Variants in SLBP observed in about 807,000 individuals in gnomAD.
The protein encoded by SLBP is stem-loop histone mRNA binding protein.
SLBP carries 29 observed loss-of-function variants against 39.2 expected under a neutral mutation model. That is an observed-to-expected ratio of 0.74 (90% CI 0.55 to 1.01). The LOEUF (loss-of-function observed/expected upper bound fraction) is 1.01, where lower values mean the gene tolerates loss of function less well. Ranked by LOEUF, SLBP falls within the 50% of genes least tolerant of loss-of-function variation. The pLI, the probability that SLBP is intolerant of heterozygous loss-of-function variation, is 0.00. For missense variants in SLBP, 390 were observed against 350.2 expected, an observed-to-expected ratio of 1.11 and a Z score of -0.91; for synonymous variants, 129 against 118.7, an observed-to-expected ratio of 1.09 and a Z score of -0.57.
intron 5 of SLBP, among the ~76,000 whole-genome samples, chr4:1,698,102 C>G (rs1716185715): frequency 6.6e-6 from 1 of 151,946 alleles, no homozygotes. Context: ...TGGCTCACCC[C>G]TGTAATCCCA....
Position 1,711,964 on chromosome 4 carries a change from A to G in SLBP, c.86T>C (p.Leu29Pro). 2 of 1,313,428 alleles carry G rather than the reference A, an allele frequency of 1.5e-6. No individual in the cohort carries two copies. Among genetic ancestry groups the G allele is most frequent in the East Asian group, 6.2e-5 (2 of 32,104 alleles). The allele number at this position is 1,313,428 out of a possible 1,614,324, so 81.4% of individuals were successfully genotyped here. ...ASPPSPARWS[L>P]GRKRRADGRR... ...GCCGTCGGCTCTGCGCTTCCGTCCC[A>G]GGCTCCATCGCGCGGGGGACGGCGG... The change falls in exon 2 of 8, where the codon CTG becomes CCG. Residue 29 changes from leucine to proline, a missense_variant. Physicochemically the swap from Leu to Pro is moderately conservative, Grantham distance 98. Coordinates refer to ENST00000489418, the MANE Select transcript of SLBP (RefSeq NM_006527.4).
intron 3 of SLBP, among the ~76,000 whole-genome samples, chr4:1,701,388 C>G (rs1248420512): frequency 1.3e-5 from 2 of 152,050 alleles, no homozygotes; most frequent in Admixed American, 6.5e-5. Flanking sequence ...CTCAGGTGAT[C>G]CGCCCGCCTT....
intron 2 of SLBP, among the ~76,000 whole-genome samples, chr4:1,704,249 C>T (rs1716436884): frequency 1.3e-5 from 2 of 152,132 alleles, no homozygotes; most frequent in South Asian, 4.1e-4. Context: ...GGGAGATTTG[C>T]TTCAAATTTT....
At position 1,705,379 on chromosome 4, in the gene SLBP, A is replaced by C. The variant is rs192081233; in HGVS notation, c.177-1679T>G. ...TATTCTATTGGCAAGGCTTATTAAC[A>C]AACTTCTGATAATGAAGCAGGCTAC... On this transcript the variant is annotated intron_variant, in intron 2 of 7. Transcript: ENST00000489418. Among the ~76,000 whole-genome samples the C allele has an allele frequency of 3.3e-5, 5 of 152,358 alleles. No homozygotes were observed. The East Asian group carries it at 7.7e-4, about 23-fold the overall frequency.
chr4:1,694,511 C>T (rs1716034335), intron 7 of SLBP, among the ~76,000 whole-genome samples: 1 of 152,088 alleles, frequency 6.6e-6, no homozygotes, highest in South Asian at 2.1e-4. Flanking sequence ...CCCACCTCAG[C>T]CTCCTGAGTA....
intron 2 of SLBP, among the ~76,000 whole-genome samples, chr4:1,707,547 C>T (rs1288298436): frequency 6.6e-6 from 1 of 151,916 alleles, no homozygotes; most frequent in African/African-American, 2.4e-5. Context: ...GGCTTCGAGC[C>T]CCAAATTCTG....
Position 1,703,587 on chromosome 4 carries a change from A to G in SLBP, c.281+9T>C. The G allele has an allele frequency of 6.4e-7, 1 of 1,558,096 alleles. No individual in the cohort carries two copies. Among genetic ancestry groups the G allele is most frequent in the South Asian group, 1.1e-5 (1 of 89,960 alleles). ...AGATTAACACTTCAAGGTGGTCCAA[A>G]ATGTGTACCTTGCCATTTCTTTGTT... is the stretch of plus-strand genomic sequence containing the variant. On this transcript the variant is annotated intron_variant, in intron 3 of 7. Coordinates refer to ENST00000489418, the MANE Select transcript of SLBP (RefSeq NM_006527.4).
At chr4:1,694,673 G>A (rs1327165042) in intron 7 of SLBP, 101 bp downstream of exon 7, 2 of 853,872 alleles carry the variant, frequency 2.3e-6, no homozygotes, top group Non-Finnish European at 2.0e-6. Context: ...TTACAGGCGT[G>A]AGCCACCGTG....
chr4:1,709,883 C>T (rs1373672910), intron 2 of SLBP, among the ~76,000 whole-genome samples: 1 of 152,226 alleles, frequency 6.6e-6, no homozygotes, highest in African/African-American at 2.4e-5. Flanking sequence ...GCTGGGATTA[C>T]AGGCATGAGC....
chr4:1,697,607 G>A (rs1261188142), intron 5 of SLBP, among the ~76,000 whole-genome samples: 7 of 152,136 alleles, frequency 4.6e-5, no homozygotes, highest in Admixed American at 2.0e-4. Context: ...TTGGGAGGCC[G>A]AGGCAGGCAG....
In SLBP at chr4:1,692,852, C is replaced by T. The variant is rs1013166698; in HGVS notation, c.*745G>A. 1.3e-5 allele frequency: 2 copies of T among 152,526 alleles called. No individual in the cohort carries two copies. Among genetic ancestry groups the T allele is most frequent in the South Asian group, 2.1e-4 (1 of 4,828 alleles). 9.4% of individuals were successfully genotyped at this position (152,526 alleles called of 1,614,324 possible). A position where few individuals can be genotyped will look rare whatever the true frequency, so the allele number is the denominator to read the frequency against. On this transcript the variant is annotated 3_prime_UTR_variant, in exon 8 of 8. Coordinates refer to ENST00000489418, the MANE Select transcript of SLBP (RefSeq NM_006527.4). Reference sequence around the variant, plus strand: ...ATATCCCATACAAAAGCAATAGAAACGTAACAGTCTTAACAAGAAGTTTAC... The same window carrying T: ...ATATCCCATACAAAAGCAATAGAAATGTAACAGTCTTAACAAGAAGTTTAC...
intron 3 of SLBP, 72 bp from the exon 4 acceptor site, chr4:1,700,142 C>T: frequency 9.9e-7 from 1 of 1,007,422 alleles, no homozygotes; most frequent in Non-Finnish European, 1.5e-6. Flanking sequence ...GAGGAAGCTC[C>T]ACCCTGATGC....
intron 2 of SLBP, among the ~76,000 whole-genome samples, chr4:1,711,637 C>G (rs1335386835): frequency 6.6e-6 from 1 of 152,242 alleles, no homozygotes; most frequent in Non-Finnish European, 1.5e-5. Flanking sequence ...AACTGGCTAA[C>G]TCGGGCTGAC....
At chr4:1,695,730 G>A (rs542708882) in intron 6 of SLBP, among the ~76,000 whole-genome samples, 3 of 151,994 alleles carry the variant, frequency 2.0e-5, no homozygotes, top group African/African-American at 4.8e-5. Context: ...GCAGTGAGCC[G>A]GGATCACGCC....
rs555595858 is a variant in SLBP, at chr4:1,709,411, AAC to A, written c.176+2461_176+2462del. Among the ~76,000 whole-genome samples the A allele has an allele frequency of 3.2e-4, 48 of 152,280 alleles. 1 individual carries two copies. In the South Asian group the frequency reaches 7.7e-3, roughly 24 times the overall value. ...AGCGAGACCTGCTCTCTTATCTGTA[AAC>A]AGTGTTCAAGAAGAAAGACATTCCT... On this transcript the variant is annotated intron_variant, in intron 2 of 7. Coordinates refer to ENST00000489418, the MANE Select transcript of SLBP (RefSeq NM_006527.4).
chr4:1,700,187 C>T, intron 3 of SLBP, 117 bp from the exon 4 acceptor site: 2 of 538,124 alleles, frequency 3.7e-6, no homozygotes, highest in South Asian at 6.6e-5. Flanking sequence ...TCCAGAAGCT[C>T]CGTGGGCCAA....
In SLBP at chr4:1,693,989, T is replaced by C. The variant is rs112350498; in HGVS notation, c.697-276A>G. On this transcript the variant is annotated intron_variant, in intron 7 of 7. Transcript: ENST00000489418. ...ACTGTGCCTGGCCATGTACATAGTT[T>C]ATAAGCACAGAAAGAATTGTAAAAG... Among the ~76,000 whole-genome samples, 11 of 152,332 alleles carry C rather than the reference T, an allele frequency of 7.2e-5. 1 individual carries two copies. The highest frequency in any genetic ancestry group is 2.6e-4 in the African/African-American group (11 of 41,564).
chr4:1,694,063 T>A (rs926929114), intron 7 of SLBP, among the ~76,000 whole-genome samples: 6 of 152,206 alleles, frequency 3.9e-5, no homozygotes, highest in Non-Finnish European at 8.8e-5. Context: ...GAGACAGTAT[T>A]TAAACTGATA....
chr4:1,696,484 T>G, intron 5 of SLBP, 133 bp from the exon 6 acceptor site: 1 of 749,740 alleles, frequency 1.3e-6, no homozygotes. Context: ...GGCTCATGCC[T>G]GTAATCCTAG....
Sources: gnomAD v4.1 joint callset for allele counts (sites outside exome capture counted in the v4.1 genomes callset) on GRCh38, gnomAD v4.1.1 for gene constraint, MANE v1.5 for transcripts, NCBI Gene and HGNC (gene_info 2026-07-23, HGNC 2026-07-21) for gene names.